The following ROR1 variants were observed in gnomAD, a reference collection of about 807,000 sequenced individuals.
The protein encoded by ROR1 is ROR family WNT receptor 1, also known as inactive tyrosine-protein kinase transmembrane receptor ROR1.
ROR1 carries 19 observed loss-of-function variants against 78.8 expected under a neutral mutation model. That is an observed-to-expected ratio of 0.24 (90% CI 0.17 to 0.35). The LOEUF is 0.35. ROR1 is among the 10% of genes least tolerant of loss of function. The pLI is 1.00. For synonymous variants in ROR1, 386 were observed against 433.6 expected (o/e 0.89, Z 1.36); for missense variants, 917 against 1,177.8 (o/e 0.78, Z 3.24).
At chr1:64,052,159 G>C (rs556241324) in intron 4 of ROR1, among the ~76,000 whole-genome samples, 1 of 149,326 alleles carries the variant, frequency 6.7e-6, no homozygotes, top group African/African-American at 2.5e-5. Context: ...TGGTCACTCT[G>C]CCTTGCATTT....
At chr1:64,032,312 G>A (rs1646667692) in intron 2 of ROR1, among the ~76,000 whole-genome samples, 1 of 124,550 alleles carries the variant, frequency 8.0e-6, no homozygotes, top group African/African-American at 3.1e-5. Flanking sequence ...CTGCAGTCCA[G>A]CCCAGTTGGC....
intron 1 of ROR1, among the ~76,000 whole-genome samples, chr1:63,896,717 T>C (rs1244155053): frequency 6.6e-6 from 1 of 151,984 alleles, no homozygotes; most frequent in Non-Finnish European, 1.5e-5. Context: ...AGCAGGTCAC[T>C]GAAAATGTAG....
chr1:63,781,276 A>G (rs926451910), intron 1 of ROR1, among the ~76,000 whole-genome samples: 5 of 152,186 alleles, frequency 3.3e-5, no homozygotes, highest in African/African-American at 1.2e-4. Flanking sequence ...CACCTGCTAT[A>G]TGCCAGGTAT....
intron 1 of ROR1, among the ~76,000 whole-genome samples, chr1:63,840,339 G>C (rs1051671364): frequency 5.9e-5 from 9 of 151,398 alleles, no homozygotes; most frequent in Middle Eastern, 3.4e-3. Flanking sequence ...GGGTGCAATG[G>C]TGCGATCTCG....
At chr1:64,148,131 G>C (rs778526386) in intron 7 of ROR1, among the ~76,000 whole-genome samples, 1 of 152,152 alleles carries the variant, frequency 6.6e-6, no homozygotes, top group Non-Finnish European at 1.5e-5. Context: ...TGAAAACTCT[G>C]CTGACACTTT....
At chr1:63,966,230 T>A (rs962049391) in intron 1 of ROR1, among the ~76,000 whole-genome samples, 1 of 152,170 alleles carries the variant, frequency 6.6e-6, no homozygotes, top group Non-Finnish European at 1.5e-5. Flanking sequence ...GAGATGCCGC[T>A]CTCTTGGTTC....
intron 2 of ROR1, among the ~76,000 whole-genome samples, chr1:64,025,397 G>C (rs1646599767): frequency 6.6e-6 from 1 of 152,128 alleles, no homozygotes; most frequent in Admixed American, 6.6e-5. Flanking sequence ...ACAGCATGGA[G>C]ATTCCTTAAA....
At chr1:63,836,705 TA>T (rs1298554251) in intron 1 of ROR1, among the ~76,000 whole-genome samples, 1 of 152,236 alleles carries the variant, frequency 6.6e-6, no homozygotes, top group East Asian at 1.9e-4. Context: ...TTAAAGAGGT[TA>T]ACATTCTGCA....
intron 1 of ROR1, among the ~76,000 whole-genome samples, chr1:63,900,597 T>A (rs1436472980): frequency 6.6e-6 from 1 of 152,078 alleles, no homozygotes; most frequent in Non-Finnish European, 1.5e-5. Context: ...GAAATTGAGG[T>A]CTGTGTAATT....
chr1:64,153,441 A>G (rs1344901376), intron 7 of ROR1, among the ~76,000 whole-genome samples: 1 of 152,192 alleles, frequency 6.6e-6, no homozygotes, highest in Non-Finnish European at 1.5e-5. Flanking sequence ...GTCTCAAAAT[A>G]TTTGTACACC....
intron 4 of ROR1, among the ~76,000 whole-genome samples, chr1:64,075,127 C>T (rs953476273): frequency 6.6e-6 from 1 of 152,110 alleles, no homozygotes; most frequent in African/African-American, 2.4e-5. Flanking sequence ...AAACAATAAG[C>T]TTATCAGACA....
chr1:63,811,645 G>A (rs1017796644), intron 1 of ROR1, among the ~76,000 whole-genome samples: 5 of 152,134 alleles, frequency 3.3e-5, no homozygotes, highest in Non-Finnish European at 7.4e-5. Flanking sequence ...TGGTTAGCTG[G>A]AAGTAAGTAA....
intron 2 of ROR1, among the ~76,000 whole-genome samples, chr1:64,010,389 TCACAAA>T: frequency 6.7e-6 from 1 of 149,190 alleles, no homozygotes; most frequent in African/African-American, 2.6e-5. Flanking sequence ...TTGGTCTCCA[TCACAAA>T]ATCTAGCACA....
At chr1:63,776,761 T>C (rs561726952) in intron 1 of ROR1, among the ~76,000 whole-genome samples, 112 of 152,202 alleles carry the variant, frequency 7.4e-4, no homozygotes, top group African/African-American at 2.6e-3. Context: ...TATGAGAGGG[T>C]CTGTCTCTCT....
rs187590679 is a variant in ROR1, at chr1:64,146,827, C to G, written c.1174+4177C>G. Among the ~76,000 whole-genome samples the G allele has an allele frequency of 3.5e-3, 540 of 152,280 alleles. 6 individuals are homozygous for G. The highest frequency in any genetic ancestry group is 0.013 in the African/African-American group (527 of 41,548). On this transcript the variant is annotated intron_variant, in intron 7 of 8. Transcript: ENST00000371079. ...GAGATCACTTACATCTACAGGATAC[C>G]TACTATGTGCCTGCATGGTGCCTGG...
chr1:63,855,159 TTGAC>T (rs1162072280), intron 1 of ROR1, among the ~76,000 whole-genome samples: 2 of 152,184 alleles, frequency 1.3e-5, no homozygotes, highest in Non-Finnish European at 2.9e-5. Flanking sequence ...TGTTTCCTCT[TTGAC>T]TGTTCTTAAC....
At chr1:64,163,416 CAAAAAA>C (rs1021294970) in intron 8 of ROR1, among the ~76,000 whole-genome samples, 1 of 150,198 alleles carries the variant, frequency 6.7e-6, no homozygotes, top group Admixed American at 6.6e-5. Flanking sequence ...AGACTCATCT[CAAAAAA>C]AGAAAAAAAG....
chr1:63,803,421 G>T (rs1644808058), intron 1 of ROR1, among the ~76,000 whole-genome samples: 2 of 150,906 alleles, frequency 1.3e-5, no homozygotes, highest in South Asian at 4.2e-4. Context: ...TCGGCTCACT[G>T]CAACCTCTGC....
At chr1:63,816,571 G>A (rs569929956) in intron 1 of ROR1, among the ~76,000 whole-genome samples, 1 of 152,290 alleles carries the variant, frequency 6.6e-6, no homozygotes, top group Admixed American at 6.5e-5. Context: ...AGTCTCGGGT[G>A]TGTCTTTATC....
Sources: allele counts gnomAD v4.1 joint callset (sites outside exome capture counted in the v4.1 genomes callset), GRCh38; gene constraint gnomAD v4.1.1; transcripts MANE v1.5; gene names NCBI Gene and HGNC (gene_info 2026-07-23, HGNC 2026-07-21).